The following RERE variants were observed in gnomAD, a reference collection of about 807,000 sequenced individuals.
RERE encodes arginine-glutamic acid dipeptide repeats protein.
In RERE, 40 loss-of-function variants were observed where a neutral mutation model predicts 146.1. The ratio of observed to expected loss-of-function variants is 0.27; its 90% CI spans 0.21 to 0.36. The LOEUF (loss-of-function observed/expected upper bound fraction) is 0.36, where lower values mean the gene tolerates loss of function less well. Among genes scored for constraint, RERE ranks in the 10% least tolerant of loss-of-function variants. The pLI is 1.00. For synonymous variants in RERE, 1,003 were observed against 866.0 expected (o/e 1.16, Z -2.78); for missense variants, 1,933 against 2,138.7 (o/e 0.90, Z 1.90).
At chr1:8,786,344 G>A (rs756868877) in intron 1 of RERE, 13 of 858,278 alleles carry the variant, frequency 1.5e-5, no homozygotes, top group African/African-American at 4.9e-5. Flanking sequence ...TCTTTAAAGC[G>A]TTTTCCAACA....
intron 1 of RERE, among the ~76,000 whole-genome samples, chr1:8,789,301 A>AATATATATATATATATATAT (rs1553149622): frequency 2.4e-4 from 6 of 24,812 alleles, no homozygotes; most frequent in African/African-American, 4.6e-4. Context: ...AAAAAAAAAA[A>AATATATATATATATATATAT]ATATATATAT....
At position 8,550,641 on chromosome 1, in the gene RERE, G is replaced by A. The variant is rs184504123; in HGVS notation, c.725+5834C>T. ...GGCTCACTGCAACCTCTGCCTCCCA[G>A]GTTAAAGCGATTCTCCTGCCTCAGT... On this transcript the variant is annotated intron_variant, in intron 6 of 22. Coordinates refer to ENST00000400908, the MANE Select transcript of RERE (RefSeq NM_001042681.2). 5.0e-3 allele frequency among the ~76,000 whole-genome samples: 754 copies of A among 152,238 alleles called. 22 individuals are homozygous for A. The highest frequency in any genetic ancestry group is 0.036 in the Admixed American group (548 of 15,284).
chr1:8,601,626 CCACACACACACACACACACA>C (rs3082094), intron 4 of RERE, among the ~76,000 whole-genome samples: 12 of 94,976 alleles, frequency 1.3e-4, no homozygotes, highest in Admixed American at 3.7e-4. Context: ...TCCAAGGTCA[CCACACACACACACACACACA>C]CACACACACA....
In RERE at chr1:8,629,054, G is replaced by C. The variant is rs527639239; in HGVS notation, c.326-4674C>G. ...CCCATGTAAAAACACGTATTTACCA[G>C]AATTGAGCAAACGGTTTTGGCAGGG... On this transcript the variant is annotated intron_variant, in intron 2 of 22. Coordinates refer to ENST00000400908, the MANE Select transcript of RERE (RefSeq NM_001042681.2). 2.0e-5 allele frequency among the ~76,000 whole-genome samples: 3 copies of C among 152,288 alleles called. No individual in the cohort carries two copies. The East Asian group carries it at 5.8e-4, about 29-fold the overall frequency.
At chr1:8,503,038 G>A (rs1484747925) in intron 8 of RERE, among the ~76,000 whole-genome samples, 48 of 146,098 alleles carry the variant, frequency 3.3e-4, no homozygotes, top group Non-Finnish European at 4.4e-4. Flanking sequence ...ATTGTCCTAT[G>A]ACCCTGCCAA....
chr1:8,423,098 GGCA>G lies in RERE; in HGVS notation c.1204-294_1204-292del, dbSNP rs1643937594. The G allele has an allele frequency of 7.9e-6, 3 of 380,030 alleles. No individual in the cohort carries two copies. Among genetic ancestry groups the G allele is most frequent in the African/African-American group, 4.0e-5 (2 of 49,508 alleles). The allele number at this position is 380,030 out of a possible 1,614,324, so 23.5% of individuals were successfully genotyped here. A position where few individuals can be genotyped will look rare whatever the true frequency, so the allele number is the denominator to read the frequency against. Reference sequence around the variant, plus strand: ...AGCAATCTGTCCCCCTCTTCCACCAGGCACACATTCTGGTGCACGAAGGTATAA... The same window carrying G: ...AGCAATCTGTCCCCCTCTTCCACCAGCACATTCTGGTGCACGAAGGTATAA... On this transcript the variant is annotated intron_variant, in intron 11 of 22. Coordinates refer to ENST00000400908, the MANE Select transcript of RERE (RefSeq NM_001042681.2). The surrounding 1 kb of genome is among the most constrained non-coding windows in gnomAD (Gnocchi z 5.4).
At chr1:8,648,578 T>A (rs1479096999) in intron 2 of RERE, among the ~76,000 whole-genome samples, 1 of 152,180 alleles carries the variant, frequency 6.6e-6, no homozygotes. Flanking sequence ...GTATATTCCA[T>A]TTTTATTCAA....
At chr1:8,675,215 TAC>T (rs200681350) in intron 1 of RERE, among the ~76,000 whole-genome samples, 4,589 of 152,246 alleles carry the variant, frequency 0.03, 88 homozygotes, top group Middle Eastern at 0.051. Flanking sequence ...ACTGGTAAAT[TAC>T]AGTGTTTTTT....
rs1382750020 is a variant in RERE, at chr1:8,355,264, C to T, written c.4668-144G>A. The stretch of plus-strand genomic sequence containing the variant: ...GTGTAGCTGACCTACCCTCCCAACA[C>T]CTCCCTTCCTCTGTTTCTCCCATCA... On this transcript the variant is annotated intron_variant, in intron 22 of 22. Coordinates refer to ENST00000400908, the MANE Select transcript of RERE (RefSeq NM_001042681.2). 4 of 1,127,770 alleles carry T rather than the reference C, an allele frequency of 3.5e-6. No individual in the cohort carries two copies. The African/African-American group carries it at 4.6e-5, about 13-fold the overall frequency. 69.9% of individuals were successfully genotyped at this position (1,127,770 alleles called of 1,614,324 possible).
intron 4 of RERE, among the ~76,000 whole-genome samples, chr1:8,585,146 C>CAAAAA (rs3082123): frequency 0.015 from 1,970 of 130,010 alleles, 70 homozygotes; most frequent in African/African-American, 0.055. Context: ...GACTCCATCT[C>CAAAAA]AAAAAAAAAA....
chr1:8,388,389 G>A lies in RERE; in HGVS notation c.1285-22415C>T, dbSNP rs991202125. Among the ~76,000 whole-genome samples the A allele has an allele frequency of 3.1e-4, 46 of 150,696 alleles. 1 individual carries two copies. Among genetic ancestry groups the A allele is most frequent in the Non-Finnish European group, 5.6e-4 (38 of 67,908 alleles). On this transcript the variant is annotated intron_variant, in intron 12 of 22. Coordinates refer to ENST00000400908, the MANE Select transcript of RERE (RefSeq NM_001042681.2). Reference sequence around the variant, plus strand: ...CTGCGGACTGCAGTGGCGCAATCTCGGCTCACTGCAAGCTCCGCTTCCCGG... The same window carrying A: ...CTGCGGACTGCAGTGGCGCAATCTCAGCTCACTGCAAGCTCCGCTTCCCGG...
intron 7 of RERE, among the ~76,000 whole-genome samples, chr1:8,522,289 C>A (rs1212014837): frequency 6.6e-6 from 1 of 152,244 alleles, no homozygotes; most frequent in South Asian, 2.1e-4. Context: ...TCTCTCTCAT[C>A]CTGTCAGACA....
intron 1 of RERE, among the ~76,000 whole-genome samples, chr1:8,664,813 G>T (rs1479243151): frequency 1.3e-5 from 2 of 152,124 alleles, no homozygotes; most frequent in Non-Finnish European, 2.9e-5. Flanking sequence ...TGGACCACTT[G>T]AATCAGGTTC....
intron 12 of RERE, among the ~76,000 whole-genome samples, chr1:8,416,770 C>T (rs985909557): frequency 7.9e-5 from 12 of 152,218 alleles, no homozygotes; most frequent in Middle Eastern, 3.4e-3. Context: ...GAATGATATA[C>T]TATGCAGGCT....
Position 8,497,418 on chromosome 1 carries a change from A to C in RERE, c.991T>G (p.Leu331Val). The stretch of plus-strand genomic sequence containing the variant: ...GATTCCTATTACCTTGCTGCCCTCA[A>C]GTACATAAGGAGGTCACAGTCGTTA... Reference protein sequence around the residue: ...GVNDCDLLMYLRAARSMAAFA... With the variant: ...GVNDCDLLMYVRAARSMAAFA... Residue 331 changes from leucine (L) to valine (V), a missense_variant, in exon 9 of 23, where the codon TTG becomes GTG. By Grantham distance (32) the Leu-to-Val change is conservative. This residue lies in a region of RERE where 260 missense variants were observed against 378.4 expected (regional missense o/e 0.69). Coordinates refer to ENST00000400908, the MANE Select transcript of RERE (RefSeq NM_001042681.2). 6.2e-7 allele frequency: 1 copy of C among 1,614,148 alleles called. No individual in the cohort carries two copies. The highest frequency in any genetic ancestry group is 1.1e-5 in the South Asian group (1 of 91,084).
At chr1:8,632,711 T>G (rs940061420) in intron 2 of RERE, among the ~76,000 whole-genome samples, 1 of 152,230 alleles carries the variant, frequency 6.6e-6, no homozygotes, top group East Asian at 1.9e-4. Flanking sequence ...ACACCAATTA[T>G]TTTCCTGTAC....
chr1:8,512,475 C>A (rs967331962), intron 7 of RERE, among the ~76,000 whole-genome samples: 2 of 151,942 alleles, frequency 1.3e-5, no homozygotes, highest in African/African-American at 4.8e-5. Context: ...GTCCCAGAAT[C>A]TGTCTCTTGT....
chr1:8,718,484 C>T (rs1639802295), intron 1 of RERE, among the ~76,000 whole-genome samples: 1 of 152,228 alleles, frequency 6.6e-6, no homozygotes, highest in Non-Finnish European at 1.5e-5. Context: ...CAATGGATCA[C>T]CAACCTCAAT....
intron 1 of RERE, among the ~76,000 whole-genome samples, chr1:8,774,440 G>A (rs1225243293): frequency 7.6e-6 from 1 of 131,324 alleles, no homozygotes; most frequent in Admixed American, 9.1e-5. Flanking sequence ...CCCAACCTCC[G>A]CCTCCTGGGT....
Sources: gnomAD v4.1 joint callset for allele counts (sites outside exome capture counted in the v4.1 genomes callset) on GRCh38, gnomAD v4.1.1 for gene constraint, gnomAD v4.1.1 regional missense constraint, Gnocchi (gnomAD v3.1) non-coding constraint, MANE v1.5 for transcripts, NCBI Gene and HGNC (gene_info 2026-07-23, HGNC 2026-07-21) for gene names.